The following INPP4B variants were observed in gnomAD, a reference collection of about 807,000 sequenced individuals.
The protein encoded by INPP4B is inositol polyphosphate-4-phosphatase type II B.
INPP4B carries 55 observed loss-of-function variants against 122.5 expected under a neutral mutation model. The ratio of observed to expected loss-of-function variants is 0.45; its 90% confidence interval spans 0.36 to 0.56. INPP4B has a LOEUF of 0.56. INPP4B is among the 20% of genes least tolerant of loss of function. The pLI, the probability that INPP4B is intolerant of heterozygous loss-of-function variation, is 0.00. For synonymous variants in INPP4B, 403 were observed against 388.7 expected (o/e 1.04, Z -0.43); for missense variants, 1,000 against 1,097.7 (o/e 0.91, Z 1.26).
At chr4:142,638,160 C>G (rs1386560948) in intron 2 of INPP4B, among the ~76,000 whole-genome samples, 2 of 152,134 alleles carry the variant, frequency 1.3e-5, no homozygotes, top group African/African-American at 4.8e-5. Flanking sequence ...TCTTCTCATT[C>G]TCTTGACATT....
At chr4:142,736,746 A>G (rs1766975416) in intron 1 of INPP4B, among the ~76,000 whole-genome samples, 1 of 152,192 alleles carries the variant, frequency 6.6e-6, no homozygotes, top group South Asian at 2.1e-4. Context: ...ATCTGCAAAC[A>G]GGGACAATTT....
chr4:142,262,241 GGA>G (rs1278204762), intron 10 of INPP4B, among the ~76,000 whole-genome samples: 2 of 151,942 alleles, frequency 1.3e-5, no homozygotes, highest in Non-Finnish European at 2.9e-5. Flanking sequence ...GGCTTACAGG[GGA>G]GTACACGATC....
intron 1 of INPP4B, among the ~76,000 whole-genome samples, chr4:142,733,265 T>C (rs1260515415): frequency 2.0e-5 from 3 of 152,002 alleles, no homozygotes; most frequent in Non-Finnish European, 4.4e-5. Context: ...TTAAACAGAG[T>C]ATAAGTGGTA....
chr4:142,073,124 C>T (rs984961434), intron 25 of INPP4B, among the ~76,000 whole-genome samples: 3 of 152,044 alleles, frequency 2.0e-5, no homozygotes, highest in Non-Finnish European at 4.4e-5. Context: ...TGATTTGTTA[C>T]TAATAAAATA....
intron 18 of INPP4B, among the ~76,000 whole-genome samples, chr4:142,130,915 G>T (rs1223480477): frequency 6.6e-6 from 1 of 152,132 alleles, no homozygotes; most frequent in East Asian, 1.9e-4. Flanking sequence ...TTGCTCTTAG[G>T]AAAATAGCAA....
intron 3 of INPP4B, among the ~76,000 whole-genome samples, chr4:142,431,992 C>A (rs930802016): frequency 4.6e-5 from 7 of 151,958 alleles, no homozygotes; most frequent in African/African-American, 1.7e-4. Flanking sequence ...AAGAATGAAT[C>A]ATTCTTCTAA....
rs1749966703 is a variant in INPP4B, at chr4:142,279,046, A to G, written c.504-8272T>C. On this transcript the variant is annotated intron_variant, in intron 9 of 25. Coordinates refer to ENST00000262992, the MANE Select transcript of INPP4B (RefSeq NM_001101669.3). ...ACAATTAGAAATTGAAATTTTAAAA[A>G]TTCAGTAGATCCAAAATAAATAAAA... is the stretch of plus-strand genomic sequence containing the variant. 5.3e-5 allele frequency among the ~76,000 whole-genome samples: 8 copies of G among 152,092 alleles called. No individual in the cohort carries two copies. In the South Asian group the frequency reaches 1.7e-3, roughly 32 times the overall value.
intron 2 of INPP4B, among the ~76,000 whole-genome samples, chr4:142,590,928 T>C (rs1056029754): frequency 1.0e-4 from 12 of 119,764 alleles, no homozygotes; most frequent in African/African-American, 3.2e-4. Flanking sequence ...CTTAGAGAAA[T>C]AGATGAATAG....
chr4:142,831,045 T>C (rs967708820), intron 1 of INPP4B, among the ~76,000 whole-genome samples: 1 of 151,196 alleles, frequency 6.6e-6, no homozygotes, highest in Non-Finnish European at 1.5e-5. Flanking sequence ...AAAAAATAGA[T>C]GCAAGAGTGT....
chr4:142,465,301 A>G (rs1001748836), intron 2 of INPP4B, among the ~76,000 whole-genome samples: 1 of 152,168 alleles, frequency 6.6e-6, no homozygotes, highest in Admixed American at 6.5e-5. Flanking sequence ...ATGTAGCAAG[A>G]ACCAGTATTT....
intron 2 of INPP4B, among the ~76,000 whole-genome samples, chr4:142,684,770 C>T (rs1759109667): frequency 6.6e-6 from 1 of 151,940 alleles, no homozygotes; most frequent in Non-Finnish European, 1.5e-5. Flanking sequence ...AGCTGAGATA[C>T]ATTTAATTAA....
intron 2 of INPP4B, among the ~76,000 whole-genome samples, chr4:142,687,395 G>C (rs1759497996): frequency 1.3e-5 from 2 of 151,824 alleles, no homozygotes; most frequent in South Asian, 2.1e-4. Context: ...ACTAAATAAG[G>C]GTCTGGTTAG....
At chr4:142,256,106 TG>T (rs1267198479) in intron 11 of INPP4B, among the ~76,000 whole-genome samples, 18 of 148,428 alleles carry the variant, frequency 1.2e-4, no homozygotes, top group Admixed American at 8.1e-4. Context: ...GAATGACTAC[TG>T]GGTACATAAC....
intron 7 of INPP4B, among the ~76,000 whole-genome samples, chr4:142,353,267 T>TA (rs1782487835): frequency 6.6e-6 from 1 of 152,000 alleles, no homozygotes; most frequent in Non-Finnish European, 1.5e-5. Flanking sequence ...AACAGAACCT[T>TA]ATATTGCAAT....
chr4:142,771,191 G>A (rs560973507), intron 1 of INPP4B, among the ~76,000 whole-genome samples: 1 of 152,140 alleles, frequency 6.6e-6, no homozygotes, highest in African/African-American at 2.4e-5. Flanking sequence ...TGTCATGTTT[G>A]AGGGACAGAA....
intron 9 of INPP4B, among the ~76,000 whole-genome samples, chr4:142,303,676 A>G (rs1187843540): frequency 6.6e-6 from 1 of 152,040 alleles, no homozygotes; most frequent in Non-Finnish European, 1.5e-5. Context: ...AAAAATAATA[A>G]CCTAGCCATT....
intron 1 of INPP4B, among the ~76,000 whole-genome samples, chr4:142,727,590 A>G (rs536225693): frequency 3.9e-5 from 6 of 152,188 alleles, no homozygotes; most frequent in Non-Finnish European, 7.3e-5. Context: ...ATCTTAAAAA[A>G]TAAGTCAGGG....
chr4:142,625,963 G>A (rs541070282), intron 2 of INPP4B, among the ~76,000 whole-genome samples: 65 of 152,078 alleles, frequency 4.3e-4, no homozygotes, highest in East Asian at 3.5e-3. Flanking sequence ...CCTTCCTTAC[G>A]CCTTATACAA....
At chr4:142,817,513 T>G (rs1780251582) in intron 1 of INPP4B, among the ~76,000 whole-genome samples, 1 of 152,106 alleles carries the variant, frequency 6.6e-6, no homozygotes, top group Admixed American at 6.6e-5. Flanking sequence ...TCTCACACTT[T>G]TAATGGATCC....
Sources: gnomAD v4.1 joint callset for allele counts (sites outside exome capture counted in the v4.1 genomes callset) on GRCh38, gnomAD v4.1.1 for gene constraint, MANE v1.5 for transcripts, NCBI Gene and HGNC (gene_info 2026-07-23, HGNC 2026-07-21) for gene names.